Variants in STIL observed in about 807,000 individuals in gnomAD.
STIL encodes STIL centriolar assembly protein.
STIL carries 55 observed loss-of-function variants against 110.1 expected under a neutral mutation model. The ratio of observed to expected loss-of-function variants is 0.50; its 90% CI spans 0.40 to 0.63. STIL has a LOEUF of 0.63. Among genes scored for constraint, STIL ranks in the 20% least tolerant of loss-of-function variants. The pLI, the probability that STIL is intolerant of heterozygous loss-of-function variation, is 0.00. For missense variants in STIL, 1,358 were observed against 1,530.0 expected (o/e 0.89, Z 1.87); for synonymous variants, 481 against 530.0 (o/e 0.91, Z 1.27).
At position 47,290,479 on chromosome 1, in the gene STIL, G is replaced by A. The variant is rs572405527; in HGVS notation, c.873-894C>T. Among the ~76,000 whole-genome samples, 9 of 152,300 alleles carry A rather than the reference G, an allele frequency of 5.9e-5. 1 individual carries two copies. The South Asian group carries it at 1.9e-3, about 32-fold the overall frequency. The stretch of plus-strand genomic sequence containing the variant: ...CCAGCACTTCGGGAGGCCGAGGCAG[G>A]CGGATCACGAGGCCAGGAGATCGAG... On this transcript the variant is annotated intron_variant, in intron 8 of 16. Coordinates refer to ENST00000371877, the MANE Select transcript of STIL (RefSeq NM_001048166.1).
chr1:47,260,249 A>G, intron 16 of STIL, 40 bp downstream of exon 16: 2 of 1,551,510 alleles, frequency 1.3e-6, no homozygotes, highest in Non-Finnish European at 1.7e-6. Flanking sequence ...TTTAAAAAAT[A>G]AAATTTATTC....
chr1:47,297,340 T>C (rs1220612815), intron 6 of STIL, among the ~76,000 whole-genome samples: 1 of 80,988 alleles, frequency 1.2e-5, no homozygotes, highest in Non-Finnish European at 4.0e-5. Context: ...CAAGACTCCA[T>C]CTCAAAAAAA....
At chr1:47,262,498 T>C (rs938933863) in intron 15 of STIL, among the ~76,000 whole-genome samples, 8 of 152,182 alleles carry the variant, frequency 5.3e-5, no homozygotes, top group African/African-American at 1.9e-4. Flanking sequence ...TCGATTTCAC[T>C]TAGCCTACTG....
intron 15 of STIL, among the ~76,000 whole-genome samples, chr1:47,261,273 G>T (rs568059556): frequency 6.8e-6 from 1 of 146,208 alleles, no homozygotes; most frequent in African/African-American, 2.5e-5. Flanking sequence ...CTGTGGTCCC[G>T]GCTATTTGGG....
intron 6 of STIL, 64 bp from the exon 7 acceptor site, chr1:47,295,912 T>A: frequency 8.4e-7 from 1 of 1,197,024 alleles, no homozygotes; most frequent in Non-Finnish European, 1.2e-6. Context: ...AAAGACATAA[T>A]CTAAATGCTG....
chr1:47,260,503 C>T lies in STIL; in HGVS notation c.2866G>A (p.Glu956Lys). The T allele has an allele frequency of 6.2e-7, 1 of 1,614,076 alleles. No homozygotes were observed. The highest frequency in any genetic ancestry group is 8.5e-7 in the Non-Finnish European group (1 of 1,180,008). The stretch of plus-strand genomic sequence containing the variant: ...GCTTTGGTAGACGGCTGCTCAGTTT[C>T]CTTGGAGGAACTATTTAATAGGTGG... ...VNHLLNSSSKETEQPSTKAVI... is the reference protein window; with the variant it reads ...VNHLLNSSSKKTEQPSTKAVI... Residue 956 changes from glutamate (E) to lysine (K), a missense_variant, in exon 16 of 17, where the codon GAA becomes AAA. Transcript: ENST00000371877.
intron 13 of STIL, among the ~76,000 whole-genome samples, chr1:47,270,575 A>G (rs1309520796): frequency 1.3e-5 from 2 of 151,846 alleles, no homozygotes; most frequent in African/African-American, 2.4e-5. Context: ...TGACACTTAA[A>G]TGCAATATTT....
intron 14 of STIL, among the ~76,000 whole-genome samples, chr1:47,263,568 C>T (rs995100489): frequency 6.6e-6 from 1 of 152,054 alleles, no homozygotes; most frequent in African/African-American, 2.4e-5. Context: ...GAAAACACCT[C>T]GTTTTAACAG....
chr1:47,282,401 C>G lies in STIL; in HGVS notation c.1192G>C (p.Glu398Gln), dbSNP rs1219432309. 1 of 1,613,336 alleles carries G rather than the reference C, an allele frequency of 6.2e-7. No homozygotes were observed. Among genetic ancestry groups the G allele is most frequent in the Admixed American group, 1.7e-5 (1 of 60,018 alleles). ...GGTCTTGGAGAAAAATCTTCATCTT[C>G]AACACCAGAGTCGTGATCATGTATT... ...MPIHDHDSGV[E>Q]DEDFSPRPIP... Residue 398 changes from glutamate (E) to glutamine (Q), a missense_variant, in exon 11 of 17, where the codon GAA (glutamate) becomes CAA (glutamine). Physicochemically the swap from Glu to Gln is conservative, Grantham distance 29. Transcript: ENST00000371877.
intron 9 of STIL, 78 bp downstream of exon 9, chr1:47,289,357 T>G: frequency 8.5e-7 from 1 of 1,176,286 alleles, no homozygotes; most frequent in Non-Finnish European, 1.2e-6. Flanking sequence ...TTTTAAAGGG[T>G]AAAAGCTGTT....
At chr1:47,254,007 C>A (rs574044291) in intron 16 of STIL, among the ~76,000 whole-genome samples, 24 of 151,732 alleles carry the variant, frequency 1.6e-4, no homozygotes, top group Non-Finnish European at 2.6e-4. Flanking sequence ...GGCAAAACCC[C>A]GTCTCTACTA....
intron 8 of STIL, among the ~76,000 whole-genome samples, chr1:47,292,467 CA>C (rs1645523351): frequency 6.6e-6 from 1 of 152,130 alleles, no homozygotes; most frequent in African/African-American, 2.4e-5. Flanking sequence ...ATAAAATGTT[CA>C]GTCTACCACT....
At position 47,310,380 on chromosome 1, in the gene STIL, A is replaced by T; in HGVS notation, c.-43-18T>A. 1 of 1,439,152 alleles carries T rather than the reference A, an allele frequency of 6.9e-7. No individual in the cohort carries two copies. The highest frequency in any genetic ancestry group is 9.7e-7 in the Non-Finnish European group (1 of 1,030,102). The allele number at this position is 1,439,152 out of a possible 1,614,324, so 89.1% of individuals were successfully genotyped here. Reference sequence around the variant, plus strand: ...TCAGTATCCTAAAGAATTAAAGAGAATATTACTAATGAATGATAAAAACAA... The same window carrying T: ...TCAGTATCCTAAAGAATTAAAGAGATTATTACTAATGAATGATAAAAACAA... On this transcript the variant is annotated intron_variant, in intron 1 of 16. Coordinates refer to ENST00000371877, the MANE Select transcript of STIL (RefSeq NM_001048166.1).
In STIL at chr1:47,280,432, G is replaced by A. The variant is rs768338718; in HGVS notation, c.2026C>T (p.Pro676Ser). ...RPQGDMGSCSPHSNIEPSPVA... is the reference protein window; with the variant it reads ...RPQGDMGSCSSHSNIEPSPVA... Reference sequence around the variant, plus strand: ...GGCGATGGTTCAATATTGCTGTGGGGAGAACAACTGCCCATATCTCCCTGA... The same window carrying A: ...GGCGATGGTTCAATATTGCTGTGGGAAGAACAACTGCCCATATCTCCCTGA... Residue 676 changes from proline to serine, a missense_variant, in exon 12 of 17, where the codon CCC becomes TCC. Coordinates refer to ENST00000371877, the MANE Select transcript of STIL (RefSeq NM_001048166.1). 3 of 1,614,118 alleles carry A rather than the reference G, an allele frequency of 1.9e-6. No individual in the cohort carries two copies. In the Admixed American group the frequency reaches 5.0e-5, roughly 27 times the overall value.
chr1:47,296,841 T>A (rs1645655782), intron 6 of STIL, among the ~76,000 whole-genome samples: 1 of 152,154 alleles, frequency 6.6e-6, no homozygotes, highest in South Asian at 2.1e-4. Context: ...ACAATGCCAT[T>A]AGTGATATAA....
At chr1:47,298,158 G>C (rs1206017706) in intron 6 of STIL, among the ~76,000 whole-genome samples, 4 of 152,170 alleles carry the variant, frequency 2.6e-5, no homozygotes, top group Non-Finnish European at 5.9e-5. Context: ...TAGAGAATAA[G>C]ACTTGGAATT....
chr1:47,270,247 TATATATATACACACACAC>T (rs1468224939), intron 13 of STIL, among the ~76,000 whole-genome samples: 5 of 97,784 alleles, frequency 5.1e-5, no homozygotes, highest in African/African-American at 1.8e-4. Context: ...AAAAAATATA[TATATATATACACACACAC>T]ACACACACAC....
At chr1:47,262,796 C>T in intron 15 of STIL, 107 bp downstream of exon 15, 1 of 992,214 alleles carries the variant, frequency 1.0e-6, no homozygotes, top group Non-Finnish European at 1.5e-6. Flanking sequence ...GACAAAAAAT[C>T]TTTTTATCTT....
At chr1:47,254,909 C>T (rs1264800606) in intron 16 of STIL, among the ~76,000 whole-genome samples, 1 of 152,094 alleles carries the variant, frequency 6.6e-6, no homozygotes, top group Non-Finnish European at 1.5e-5. Flanking sequence ...GTTTAGAAGG[C>T]TATTCAAGTT....
Sources: allele counts gnomAD v4.1 joint callset (sites outside exome capture counted in the v4.1 genomes callset), GRCh38; gene constraint gnomAD v4.1.1; transcripts MANE v1.5; gene names NCBI Gene and HGNC (gene_info 2026-07-23, HGNC 2026-07-21).